The following UVRAG variants were observed in gnomAD, a reference collection of about 807,000 sequenced individuals.
The protein encoded by UVRAG is UV radiation resistance-associated gene protein.
A neutral mutation model predicts 78.0 loss-of-function variants in UVRAG; 19 were observed. The observed-to-expected ratio is 0.24, with a 90% confidence interval of 0.17 to 0.36. The LOEUF (loss-of-function observed/expected upper bound fraction) is 0.36. Among genes scored for constraint, UVRAG ranks in the 10% least tolerant of loss-of-function variants. The pLI, the probability that UVRAG is intolerant of heterozygous loss-of-function variation, is 1.00. For synonymous variants in UVRAG, 323 were observed against 324.6 expected (o/e 1.00, Z 0.05); for missense variants, 740 against 853.8 (o/e 0.87, Z 1.66).
At chr11:76,033,247 AC>A (rs1950469473) in intron 12 of UVRAG, among the ~76,000 whole-genome samples, 1 of 152,152 alleles carries the variant, frequency 6.6e-6, no homozygotes, top group Non-Finnish European at 1.5e-5. Context: ...GCCTCAGAAT[AC>A]TCTTTTGGAA....
rs1945241467 is a variant in UVRAG at position 75,815,544 on chromosome 11, A to G, written c.117+20A>G. 9.8e-6 allele frequency: 12 copies of G among 1,221,008 alleles called. No individual in the cohort carries two copies. In the Admixed American group the frequency reaches 3.0e-4, roughly 30 times the overall value. 75.6% of individuals were successfully genotyped at this position (1,221,008 alleles called of 1,614,324 possible). On this transcript the variant is annotated intron_variant, in intron 1 of 14. Coordinates refer to ENST00000356136, the MANE Select transcript of UVRAG (RefSeq NM_003369.4). Reference sequence around the variant, plus strand: ...CAGCAGGTAAGCCCGCGCGGCTCGCAGCACTCGGGAGGGACCCGGGCAGGC... The same window carrying G: ...CAGCAGGTAAGCCCGCGCGGCTCGCGGCACTCGGGAGGGACCCGGGCAGGC...
chr11:75,984,801 A>G (rs1320299825), intron 8 of UVRAG, among the ~76,000 whole-genome samples: 1 of 152,106 alleles, frequency 6.6e-6, no homozygotes, highest in Non-Finnish European at 1.5e-5. Context: ...TCTTACCTTC[A>G]TGTGGTTGCA....
At chr11:75,890,255 A>G (rs913116783) in intron 5 of UVRAG, among the ~76,000 whole-genome samples, 1 of 152,256 alleles carries the variant, frequency 6.6e-6, no homozygotes, top group Admixed American at 6.5e-5. Context: ...TTCTGGCTGC[A>G]GTAGAGACTG....
intron 5 of UVRAG, among the ~76,000 whole-genome samples, chr11:75,906,434 C>T (rs888559655): frequency 2.0e-5 from 3 of 152,006 alleles, no homozygotes; most frequent in Non-Finnish European, 4.4e-5. Flanking sequence ...TCAATCTCTG[C>T]CTCCTGGGTT....
intron 1 of UVRAG, among the ~76,000 whole-genome samples, chr11:75,819,283 A>G (rs1473911631): frequency 6.6e-6 from 1 of 152,092 alleles, no homozygotes; most frequent in Non-Finnish European, 1.5e-5. Flanking sequence ...TTTTGCTTCT[A>G]TGTGATCTTA....
intron 13 of UVRAG, among the ~76,000 whole-genome samples, chr11:76,084,802 C>T (rs1351885656): frequency 6.6e-6 from 1 of 152,072 alleles, no homozygotes; most frequent in African/African-American, 2.4e-5. Context: ...TGGCTCATGC[C>T]TGTAATCCCA....
intron 14 of UVRAG, among the ~76,000 whole-genome samples, chr11:76,134,618 A>G (rs751643325): frequency 6.6e-6 from 1 of 152,178 alleles, no homozygotes; most frequent in East Asian, 1.9e-4. Flanking sequence ...TGTGCAAGAC[A>G]TGAATATGTC....
intron 13 of UVRAG, among the ~76,000 whole-genome samples, chr11:76,076,553 A>G (rs1951407440): frequency 6.6e-6 from 1 of 152,178 alleles, no homozygotes. Context: ...GGGAGCTACA[A>G]TTCAAGATGA....
At chr11:75,961,843 G>A (rs533304090) in intron 7 of UVRAG, among the ~76,000 whole-genome samples, 2 of 151,930 alleles carry the variant, frequency 1.3e-5, no homozygotes, top group East Asian at 1.9e-4. Flanking sequence ...ACTATATAGC[G>A]AATGAAAAAT....
chr11:76,040,371 G>A (rs1413118066), intron 12 of UVRAG, among the ~76,000 whole-genome samples: 2 of 151,618 alleles, frequency 1.3e-5, no homozygotes, highest in African/African-American at 4.9e-5. Context: ...TACTTGGGAG[G>A]CTAAGCCAGG....
chr11:75,850,455 G>C (rs1946131394), intron 1 of UVRAG, among the ~76,000 whole-genome samples: 2 of 152,182 alleles, frequency 1.3e-5, no homozygotes, highest in African/African-American at 2.4e-5. Flanking sequence ...GTGTGACTGA[G>C]GGGTTGGGTA....
At chr11:76,118,336 A>G (rs1952221858) in intron 14 of UVRAG, among the ~76,000 whole-genome samples, 1 of 152,156 alleles carries the variant, frequency 6.6e-6, no homozygotes, top group Admixed American at 6.5e-5. Flanking sequence ...GTATACAATC[A>G]TATTTTTAGT....
intron 5 of UVRAG, among the ~76,000 whole-genome samples, chr11:75,905,175 C>A (rs1298329184): frequency 6.6e-6 from 1 of 152,104 alleles, no homozygotes; most frequent in African/African-American, 2.4e-5. Context: ...CTTCTCAAGT[C>A]TTCTATTATT....
At chr11:75,978,322 T>C (rs1406030566) in intron 7 of UVRAG, among the ~76,000 whole-genome samples, 2 of 152,214 alleles carry the variant, frequency 1.3e-5, no homozygotes, top group Non-Finnish European at 2.9e-5. Context: ...ATTTCAACTT[T>C]GGTGAATCTG....
At chr11:75,830,560 T>G (rs1945632988) in intron 1 of UVRAG, among the ~76,000 whole-genome samples, 1 of 152,110 alleles carries the variant, frequency 6.6e-6, no homozygotes, top group Admixed American at 6.6e-5. Context: ...TGTGAGCCAC[T>G]GCGCCCGGCC....
intron 9 of UVRAG, among the ~76,000 whole-genome samples, chr11:76,004,702 T>A (rs542120174): frequency 1.2e-4 from 18 of 152,260 alleles, no homozygotes; most frequent in African/African-American, 4.3e-4. Flanking sequence ...CGTAGCTCAC[T>A]ATGGCCTCGA....
At chr11:76,017,846 A>G (rs986599403) in intron 12 of UVRAG, among the ~76,000 whole-genome samples, 3 of 152,188 alleles carry the variant, frequency 2.0e-5, no homozygotes, top group Non-Finnish European at 4.4e-5. Context: ...CAAAACTGAG[A>G]AAATATATCG....
At chr11:76,075,755 G>A (rs544883471) in intron 13 of UVRAG, among the ~76,000 whole-genome samples, 1 of 152,058 alleles carries the variant, frequency 6.6e-6, no homozygotes, top group Non-Finnish European at 1.5e-5. Context: ...ATTCCCTCAG[G>A]TTCCCCATCC....
chr11:75,904,282 CTATTCTGTT>C (rs1947570599), intron 5 of UVRAG, among the ~76,000 whole-genome samples: 1 of 152,200 alleles, frequency 6.6e-6, no homozygotes, highest in Non-Finnish European at 1.5e-5. Flanking sequence ...AGACTTGTTA[CTATTCTGTT>C]CCTTGAAGAA....
Sources: gnomAD v4.1 joint callset for allele counts (sites outside exome capture counted in the v4.1 genomes callset) on GRCh38, gnomAD v4.1.1 for gene constraint, MANE v1.5 for transcripts, NCBI Gene and HGNC (gene_info 2026-07-23, HGNC 2026-07-21) for gene names.